Variants in RSRC1 observed in about 807,000 individuals in gnomAD.
RSRC1 encodes serine/Arginine-related protein 53.
RSRC1 carries 39 observed loss-of-function variants against 49.1 expected under a neutral mutation model. That is an observed-to-expected ratio of 0.79 (90% confidence interval 0.61 to 1.04). The LOEUF (loss-of-function observed/expected upper bound fraction) is 1.04, where lower values mean the gene tolerates loss of function less well. RSRC1 is among the 50% of genes least tolerant of loss of function. RSRC1 has a pLI of 0.00. For synonymous variants in RSRC1, 143 were observed against 130.8 expected (o/e 1.09, Z -0.63); for missense variants, 388 against 402.4 (o/e 0.96, Z 0.31).
rs73025965 is a variant in RSRC1, at chr3:158,140,671, C to G, written c.320+16680C>G. 1.7e-3 allele frequency among the ~76,000 whole-genome samples: 258 copies of G among 152,310 alleles called. 1 individual carries two copies. Among genetic ancestry groups the G allele is most frequent in the African/African-American group, 5.9e-3 (247 of 41,580 alleles). ...GTCACTTGTTTCTACTTTTGTTCTTCTGCCAATTTCCTCTTAGGTGATTGG... is the reference window on the plus strand; with the variant it reads ...GTCACTTGTTTCTACTTTTGTTCTTGTGCCAATTTCCTCTTAGGTGATTGG... On this transcript the variant is annotated intron_variant, in intron 3 of 9. Coordinates refer to ENST00000611884, the MANE Select transcript of RSRC1 (RefSeq NM_001271838.2).
chr3:158,264,193 G>A (rs1725045588), intron 4 of RSRC1, among the ~76,000 whole-genome samples: 1 of 151,918 alleles, frequency 6.6e-6, no homozygotes, highest in Admixed American at 6.6e-5. Flanking sequence ...TATTTCTTTA[G>A]CAGCATCCCA....
chr3:158,270,836 A>T (rs1292362503), intron 4 of RSRC1, among the ~76,000 whole-genome samples: 1 of 152,164 alleles, frequency 6.6e-6, no homozygotes. Flanking sequence ...CTATCTGATA[A>T]TGTAAAACTT....
At chr3:158,408,191 C>T (rs1734252610) in intron 6 of RSRC1, among the ~76,000 whole-genome samples, 2 of 152,212 alleles carry the variant, frequency 1.3e-5, no homozygotes. Flanking sequence ...TCAGCTCGTT[C>T]ACTGAGCCAT....
intron 6 of RSRC1, among the ~76,000 whole-genome samples, chr3:158,422,225 CT>C (rs1427387588): frequency 8.9e-6 from 1 of 111,754 alleles, no homozygotes; most frequent in Non-Finnish European, 1.8e-5. Flanking sequence ...TCCCTCCCCC[CT>C]CCCCCCACCC....
At chr3:158,398,330 C>G (rs1733715707) in intron 6 of RSRC1, among the ~76,000 whole-genome samples, 1 of 152,018 alleles carries the variant, frequency 6.6e-6, no homozygotes, top group South Asian at 2.1e-4. Flanking sequence ...CTGGTGAGGG[C>G]CAGGAGGCTA....
rs902919712 is a variant in RSRC1 at position 158,304,240 on chromosome 3, C to A, written c.531+6165C>A. Among the ~76,000 whole-genome samples, 43 of 152,204 alleles carry A rather than the reference C, an allele frequency of 2.8e-4. 1 individual carries two copies. Among genetic ancestry groups the A allele is most frequent in the African/African-American group, 9.9e-4 (41 of 41,540 alleles). ...CTGCTTGCCAGAAATGTAGGCAGGC[C>A]CATTGCTATTAGGTATTCATCAATA... On this transcript the variant is annotated intron_variant, in intron 5 of 9. Transcript: ENST00000611884.
chr3:158,146,676 A>G (rs1266993210), intron 3 of RSRC1, among the ~76,000 whole-genome samples: 1 of 151,958 alleles, frequency 6.6e-6, no homozygotes, highest in Non-Finnish European at 1.5e-5. Context: ...CTCTTTTTCT[A>G]TTGATTGGAA....
At chr3:158,167,932 A>C (rs946360396) in intron 3 of RSRC1, among the ~76,000 whole-genome samples, 3 of 152,166 alleles carry the variant, frequency 2.0e-5, no homozygotes, top group African/African-American at 7.2e-5. Flanking sequence ...GAAGGTAAGA[A>C]ACTAGGGAGC....
intron 4 of RSRC1, among the ~76,000 whole-genome samples, chr3:158,240,955 G>A (rs1331811046): frequency 6.6e-6 from 1 of 151,970 alleles, no homozygotes; most frequent in African/African-American, 2.4e-5. Flanking sequence ...TTTTATTACA[G>A]CATATTATTA....
chr3:158,202,892 A>G (rs1578194195), intron 3 of RSRC1, among the ~76,000 whole-genome samples, 180 bp from the exon 4 acceptor site: 1 of 152,182 alleles, frequency 6.6e-6, no homozygotes, highest in Non-Finnish European at 1.5e-5. Flanking sequence ...TATTTCCCTC[A>G]TATTAAGTGA....
At chr3:158,534,325 A>G (rs1438883936) in intron 7 of RSRC1, among the ~76,000 whole-genome samples, 5 of 151,702 alleles carry the variant, frequency 3.3e-5, no homozygotes, top group South Asian at 4.1e-4. Flanking sequence ...CTTTATATTT[A>G]TCTCTGTAAC....
At chr3:158,486,387 T>A (rs1052265234) in intron 7 of RSRC1, among the ~76,000 whole-genome samples, 3 of 152,158 alleles carry the variant, frequency 2.0e-5, no homozygotes, top group Admixed American at 1.3e-4. Flanking sequence ...GGCACCATGT[T>A]AAATGCTAGG....
intron 5 of RSRC1, among the ~76,000 whole-genome samples, chr3:158,323,751 G>T (rs963343820): frequency 6.6e-6 from 1 of 152,000 alleles, no homozygotes; most frequent in Non-Finnish European, 1.5e-5. Flanking sequence ...GTCTGCCTTT[G>T]GTTATTTCCT....
chr3:158,438,578 C>T (rs1463105965), intron 6 of RSRC1, among the ~76,000 whole-genome samples: 1 of 152,324 alleles, frequency 6.6e-6, no homozygotes. Flanking sequence ...AAAGGATTCC[C>T]TATTTAATAA....
chr3:158,395,936 A>C (rs1265012504), intron 6 of RSRC1, among the ~76,000 whole-genome samples: 1 of 152,186 alleles, frequency 6.6e-6, no homozygotes, highest in African/African-American at 2.4e-5. Context: ...AATCAACCTA[A>C]GTTCCCATCA....
chr3:158,512,090 G>T (rs1261612073), intron 7 of RSRC1, among the ~76,000 whole-genome samples: 4 of 147,922 alleles, frequency 2.7e-5, no homozygotes, highest in Non-Finnish European at 6.0e-5. Flanking sequence ...TCTGATGGTA[G>T]TTTCTTTTGC....
At chr3:158,530,034 C>T (rs765341712) in intron 7 of RSRC1, among the ~76,000 whole-genome samples, 2 of 151,918 alleles carry the variant, frequency 1.3e-5, no homozygotes, top group Non-Finnish European at 2.9e-5. Context: ...CTCCTTCTCT[C>T]CTCCTCCTAT....
intron 5 of RSRC1, among the ~76,000 whole-genome samples, chr3:158,298,329 C>T (rs1456508654): frequency 6.6e-6 from 1 of 151,884 alleles, no homozygotes; most frequent in African/African-American, 2.4e-5. Context: ...TGGATTGATG[C>T]TTGCTTTAAT....
chr3:158,239,033 A>G (rs1322327300), intron 4 of RSRC1, among the ~76,000 whole-genome samples: 2 of 151,546 alleles, frequency 1.3e-5, no homozygotes, highest in African/African-American at 4.8e-5. Flanking sequence ...AAAAAAAACC[A>G]TCAAAAAGTG....
Sources: gnomAD v4.1 joint callset for allele counts (sites outside exome capture counted in the v4.1 genomes callset) on GRCh38, gnomAD v4.1.1 for gene constraint, MANE v1.5 for transcripts, NCBI Gene and HGNC (gene_info 2026-07-23, HGNC 2026-07-21) for gene names.